PRR16: variants seen among roughly 807,000 people sequenced by gnomAD.
PRR16 encodes proline rich 16.
PRR16 carries 6 observed loss-of-function variants against 18.2 expected under a neutral mutation model. The observed-to-expected ratio is 0.33, with a 90% CI of 0.18 to 0.65. The LOEUF (loss-of-function observed/expected upper bound fraction) is 0.65. Among genes scored for constraint, PRR16 ranks in the 30% least tolerant of loss-of-function variants. The pLI is 0.74. For missense variants in PRR16, 412 were observed against 376.6 expected (o/e 1.09, Z -0.78); for synonymous variants, 151 against 147.8 (o/e 1.02, Z -0.16).
Position 120,623,064 on chromosome 5 carries a change from C to A in PRR16, c.160-62890C>A, listed in dbSNP as rs368035964. Among the ~76,000 whole-genome samples, 22 of 151,890 alleles carry A rather than the reference C, an allele frequency of 1.4e-4. No individual in the cohort carries two copies. In the South Asian group the frequency reaches 4.4e-3, roughly 30 times the overall value. The stretch of plus-strand genomic sequence containing the variant: ...TATAAAGTAATGTATTGACTTCAGA[C>A]GCATTTTATTATTTTCAACTATTTA... On this transcript the variant is annotated intron_variant, in intron 1 of 1. Transcript: ENST00000407149.
intron 1 of PRR16, among the ~76,000 whole-genome samples, chr5:120,667,413 A>G (rs1410154336): frequency 2.0e-5 from 3 of 151,800 alleles, no homozygotes; most frequent in Admixed American, 6.6e-5. Flanking sequence ...CAGCTCCTGG[A>G]TTCATTAATT....
the PRR16 span, among the ~76,000 whole-genome samples, chr5:120,748,914 T>G: frequency 6.6e-6 from 1 of 151,980 alleles, no homozygotes; most frequent in Non-Finnish European, 1.5e-5. Context: ...GGAATCAGAG[T>G]GATATTTTGT....
the PRR16 span, among the ~76,000 whole-genome samples, chr5:120,761,506 T>C: frequency 6.6e-6 from 1 of 152,172 alleles, no homozygotes. Context: ...CATAAGTGTT[T>C]AGATCTACTA....
intron 1 of PRR16, among the ~76,000 whole-genome samples, chr5:120,514,155 T>C (rs1009061842): frequency 1.3e-5 from 2 of 152,178 alleles, no homozygotes; most frequent in Non-Finnish European, 2.9e-5. Flanking sequence ...GATGAATATA[T>C]GAACCTAAGA....
chr5:120,505,443 A>G (rs1042060213), intron 1 of PRR16, among the ~76,000 whole-genome samples: 30 of 152,056 alleles, frequency 2.0e-4, no homozygotes, highest in African/African-American at 6.0e-4. Flanking sequence ...GGACTTCCCA[A>G]ATGGGCTCCT....
chr5:120,664,124 C>A (rs904901695), intron 1 of PRR16, among the ~76,000 whole-genome samples: 1 of 151,986 alleles, frequency 6.6e-6, no homozygotes, highest in African/African-American at 2.4e-5. Flanking sequence ...CATGATGAAA[C>A]CCTGTCTTTA....
intron 1 of PRR16, among the ~76,000 whole-genome samples, chr5:120,576,653 G>A (rs1354635282): frequency 6.6e-6 from 1 of 152,132 alleles, no homozygotes; most frequent in African/African-American, 2.4e-5. Context: ...CTGCCTGGCT[G>A]CTTGAGCTGG....
At chr5:120,725,062 T>C in the PRR16 span, among the ~76,000 whole-genome samples, 2 of 151,872 alleles carry the variant, frequency 1.3e-5, no homozygotes, top group Non-Finnish European at 2.9e-5. Flanking sequence ...CTGAATAAAA[T>C]AAGAAAACAA....
At chr5:120,629,751 T>C (rs1232556114) in intron 1 of PRR16, among the ~76,000 whole-genome samples, 2 of 152,078 alleles carry the variant, frequency 1.3e-5, no homozygotes, top group Non-Finnish European at 2.9e-5. Flanking sequence ...TGTTTGTTTT[T>C]TTGAATTATA....
At chr5:120,672,523 TTATGTTATAGATATA>T (rs1186968621) in intron 1 of PRR16, among the ~76,000 whole-genome samples, 1 of 122,504 alleles carries the variant, frequency 8.2e-6, no homozygotes, top group Non-Finnish European at 1.7e-5. Context: ...TTTTAATAAT[TTATGTTATAGATATA>T]TATGTGTGTG....
chr5:120,773,191 G>C, the PRR16 span, among the ~76,000 whole-genome samples: 2 of 152,010 alleles, frequency 1.3e-5, no homozygotes, highest in South Asian at 2.1e-4. Flanking sequence ...ATTAGTATCA[G>C]TTAAGATTAG....
the PRR16 span, among the ~76,000 whole-genome samples, chr5:120,720,887 A>C: frequency 5.9e-5 from 9 of 151,996 alleles, no homozygotes; most frequent in Non-Finnish European, 1.0e-4. Flanking sequence ...CAAATACCCT[A>C]TCCTTCAGAT....
At chr5:120,484,508 A>G (rs1354350615) in intron 1 of PRR16, among the ~76,000 whole-genome samples, 1 of 145,252 alleles carries the variant, frequency 6.9e-6, no homozygotes, top group Admixed American at 7.1e-5. Context: ...ATATAATTAT[A>G]TATTGTATAT....
intron 1 of PRR16, among the ~76,000 whole-genome samples, chr5:120,580,621 A>AT (rs1467265906): frequency 6.6e-6 from 1 of 151,504 alleles, no homozygotes; most frequent in Non-Finnish European, 1.5e-5. Context: ...CACCCGGCTA[A>AT]TTTTTTTGTA....
At chr5:120,766,880 G>A in the PRR16 span, among the ~76,000 whole-genome samples, 1 of 151,898 alleles carries the variant, frequency 6.6e-6, no homozygotes, top group African/African-American at 2.4e-5. Flanking sequence ...CTGGCAGGTA[G>A]AATATTTGAT....
At chr5:120,511,740 T>G (rs1430511385) in intron 1 of PRR16, among the ~76,000 whole-genome samples, 2 of 152,174 alleles carry the variant, frequency 1.3e-5, no homozygotes, top group African/African-American at 4.8e-5. Context: ...TAGAAAAAAG[T>G]TTGTTTGAAA....
At chr5:120,566,153 G>A (rs927574904) in intron 1 of PRR16, among the ~76,000 whole-genome samples, 1 of 152,176 alleles carries the variant, frequency 6.6e-6, no homozygotes, top group Non-Finnish European at 1.5e-5. Flanking sequence ...GTGAGTTCCT[G>A]ATAAAAAGGA....
chr5:120,507,218 T>C (rs1301472918), intron 1 of PRR16, among the ~76,000 whole-genome samples: 1 of 152,158 alleles, frequency 6.6e-6, no homozygotes, highest in Non-Finnish European at 1.5e-5. Flanking sequence ...ATGAGATATA[T>C]AATACCTTGC....
chr5:120,769,386 C>G, the PRR16 span, among the ~76,000 whole-genome samples: 1 of 151,712 alleles, frequency 6.6e-6, no homozygotes. Flanking sequence ...GATCTACCCT[C>G]TTAATAAATT....
Sources: allele counts gnomAD v4.1 joint callset (sites outside exome capture counted in the v4.1 genomes callset), GRCh38; gene constraint gnomAD v4.1.1; transcripts MANE v1.5; gene names NCBI Gene and HGNC (gene_info 2026-07-23, HGNC 2026-07-21).